FNDC3A: variants seen among roughly 807,000 people sequenced by gnomAD.
FNDC3A encodes the protein fibronectin type III domain containing 3A, also known as fibronectin type-III domain-containing protein 3A.
FNDC3A carries 32 observed loss-of-function variants against 148.9 expected under a neutral mutation model. The ratio of observed to expected loss-of-function variants is 0.21; its 90% CI spans 0.16 to 0.29. The LOEUF (loss-of-function observed/expected upper bound fraction) is 0.29, where lower values mean the gene tolerates loss of function less well. FNDC3A is among the 10% of genes least tolerant of loss of function. The probability of loss-of-function intolerance (pLI) is 1.00; values close to 1 mark genes in which losing one functional copy is unlikely to be tolerated. For missense variants in FNDC3A, 1,191 were observed against 1,452.8 expected (o/e 0.82, Z 2.93); for synonymous variants, 472 against 473.6 (o/e 1.00, Z 0.04).
intron 1 of FNDC3A, among the ~76,000 whole-genome samples, chr13:48,996,459 T>C (rs556491995): frequency 6.6e-6 from 1 of 152,338 alleles, no homozygotes; most frequent in East Asian, 1.9e-4. Flanking sequence ...AGAGCTTTTC[T>C]TTTTCATTAT....
intron 7 of FNDC3A, 27 bp downstream of exon 7, chr13:49,138,832 G>A (rs750563184): frequency 4.0e-6 from 5 of 1,240,180 alleles, no homozygotes. Context: ...TTTTATTGAT[G>A]TTTATATTTA....
At chr13:49,057,224 C>T (rs533091935) in intron 2 of FNDC3A, among the ~76,000 whole-genome samples, 3 of 152,248 alleles carry the variant, frequency 2.0e-5, no homozygotes, top group South Asian at 2.1e-4. Flanking sequence ...GACTTTTGCC[C>T]AGGCTATGAT....
chr13:49,151,714 A>G (rs748368971), intron 8 of FNDC3A, among the ~76,000 whole-genome samples: 1 of 152,062 alleles, frequency 6.6e-6, no homozygotes, highest in African/African-American at 2.4e-5. Flanking sequence ...ACTTAATGCC[A>G]TCCCTCCCCC....
At chr13:49,088,082 A>G (rs955991414) in intron 3 of FNDC3A, among the ~76,000 whole-genome samples, 1 of 152,162 alleles carries the variant, frequency 6.6e-6, no homozygotes, top group African/African-American at 2.4e-5. Context: ...GATTAGCCCA[A>G]TAGACATATT....
chr13:49,098,594 A>T (rs948746878), intron 3 of FNDC3A, among the ~76,000 whole-genome samples: 4 of 152,168 alleles, frequency 2.6e-5, no homozygotes, highest in Admixed American at 2.6e-4. Flanking sequence ...GGTGCTTGGT[A>T]AACACATCTC....
At chr13:49,202,788 A>G (rs763045967) in intron 24 of FNDC3A, among the ~76,000 whole-genome samples, 1 of 152,190 alleles carries the variant, frequency 6.6e-6, no homozygotes, top group Non-Finnish European at 1.5e-5. Context: ...GGCTCACTTA[A>G]GGCCAGGAGT....
In FNDC3A at chr13:49,136,429, A is replaced by C; in HGVS notation, c.588A>C (p.Thr196=). 1 of 1,614,190 alleles carries C rather than the reference A, an allele frequency of 6.2e-7. No homozygotes were observed. Among genetic ancestry groups the C allele is most frequent in the East Asian group, 2.2e-5 (1 of 44,872 alleles). ...AAAAATTGAAGGATCGCCAAGGAAC[A>C]CAGAAAGATAAAATGAGCAGTCCAC... is the stretch of plus-strand genomic sequence containing the variant. ...LQKKLKDRQG[T]QKDKMSSPPS... Residue 196 remains threonine, a synonymous_variant, in exon 6 of 26, where the codon ACA becomes ACC. Coordinates refer to ENST00000492622, the MANE Select transcript of FNDC3A (RefSeq NM_001079673.2).
intron 3 of FNDC3A, among the ~76,000 whole-genome samples, chr13:49,101,672 A>G (rs534623318): frequency 1.3e-5 from 2 of 152,108 alleles, no homozygotes; most frequent in African/African-American, 4.8e-5. Flanking sequence ...CAACTGATTC[A>G]TCTGTTGTAG....
intron 1 of FNDC3A, among the ~76,000 whole-genome samples, chr13:48,985,172 A>G (rs1317546883): frequency 1.3e-5 from 2 of 152,242 alleles, no homozygotes; most frequent in Non-Finnish European, 2.9e-5. Flanking sequence ...TATTCAAGGT[A>G]TATAAGGTGT....
intron 2 of FNDC3A, among the ~76,000 whole-genome samples, chr13:49,035,064 T>C: frequency 6.6e-6 from 1 of 152,082 alleles, no homozygotes; most frequent in East Asian, 1.9e-4. Flanking sequence ...CTAATTACTG[T>C]AAAGTCCTTA....
chr13:49,131,510 A>T, intron 5 of FNDC3A, 136 bp downstream of exon 5: 1 of 696,878 alleles, frequency 1.4e-6, no homozygotes, highest in Non-Finnish European at 2.5e-6. Context: ...TTACTCAAGT[A>T]CTATATTAGG....
chr13:49,019,931 G>A (rs1417914414), intron 2 of FNDC3A, among the ~76,000 whole-genome samples: 1 of 152,144 alleles, frequency 6.6e-6, no homozygotes, highest in African/African-American at 2.4e-5. Flanking sequence ...CTTGTTCAGT[G>A]AAATCTTCTG....
At position 49,187,394 on chromosome 13, in the gene FNDC3A, A is replaced by AT. The variant is rs1448141874; in HGVS notation, c.1825+205dup. 1.3e-5 allele frequency: 12 copies of AT among 908,036 alleles called. No individual in the cohort carries two copies. In the Admixed American group the frequency reaches 2.1e-4, roughly 16 times the overall value. The allele number at this position is 908,036 out of a possible 1,614,324, so 56.2% of individuals were successfully genotyped here. A position where few individuals can be genotyped will look rare whatever the true frequency, so the allele number is the denominator to read the frequency against. ...TATTGACAAACATATCTAGTATGCC[A>AT]TATGAGTTCAAGTTTGATCCACTTC... On this transcript the variant is annotated intron_variant, in intron 16 of 25. Transcript: ENST00000492622.
At chr13:49,019,953 C>A (rs1215421246) in intron 2 of FNDC3A, among the ~76,000 whole-genome samples, 3 of 152,112 alleles carry the variant, frequency 2.0e-5, no homozygotes, top group African/African-American at 7.2e-5. Context: ...ACCTAAGTTT[C>A]TTTGACTGAA....
chr13:49,045,123 CCCTTTCCCTTTCCCTTT>C (rs1161029047), intron 2 of FNDC3A: 93 of 186,028 alleles, frequency 5.0e-4, no homozygotes, highest in African/African-American at 1.8e-3. Context: ...TTTTTTCTTT[CCCTTTCCCTTTCCCTTT>C]CCTTTCCCTT....
intron 13 of FNDC3A, among the ~76,000 whole-genome samples, chr13:49,178,027 T>A (rs1266210656): frequency 6.6e-6 from 1 of 152,192 alleles, no homozygotes; most frequent in Non-Finnish European, 1.5e-5. Flanking sequence ...ATATCTCAAT[T>A]TTTTTAATTC....
intron 23 of FNDC3A, among the ~76,000 whole-genome samples, chr13:49,198,863 A>G (rs572235847): frequency 6.6e-6 from 1 of 152,348 alleles, no homozygotes; most frequent in African/African-American, 2.4e-5. Context: ...AACACAATGT[A>G]CATTTCCTGT....
chr13:49,173,946 G>T (rs1407127859), intron 11 of FNDC3A, among the ~76,000 whole-genome samples: 4 of 152,084 alleles, frequency 2.6e-5, no homozygotes, highest in Non-Finnish European at 5.9e-5. Flanking sequence ...AACATTTTCA[G>T]TGTTAATCTA....
chr13:49,043,747 C>T (rs1248338941), intron 2 of FNDC3A, among the ~76,000 whole-genome samples: 1 of 151,986 alleles, frequency 6.6e-6, no homozygotes, highest in Non-Finnish European at 1.5e-5. Context: ...TACAACCCCC[C>T]ATAAACTTTT....
Sources: gnomAD v4.1 joint callset for allele counts (sites outside exome capture counted in the v4.1 genomes callset) on GRCh38, gnomAD v4.1.1 for gene constraint, MANE v1.5 for transcripts, NCBI Gene and HGNC (gene_info 2026-07-23, HGNC 2026-07-21) for gene names.